MICAL3: variants seen among roughly 807,000 people sequenced by gnomAD.
The protein encoded by MICAL3 is [F-actin]-monooxygenase MICAL3.
MICAL3 carries 62 observed loss-of-function variants against 207.4 expected under a neutral mutation model. The observed-to-expected ratio is 0.30, with a 90% confidence interval of 0.24 to 0.37. MICAL3 has a LOEUF of 0.37. Ranked by LOEUF, MICAL3 falls within the 10% of genes least tolerant of loss-of-function variation. MICAL3 has a pLI of 1.00. For synonymous variants in MICAL3, 1,077 were observed against 1,069.3 expected (o/e 1.01, Z -0.14); for missense variants, 2,368 against 2,635.6 (o/e 0.90, Z 2.22).
intron 23 of MICAL3, 73 bp from the exon 24 acceptor site, chr22:17,822,243 CG>C: frequency 2.0e-6 from 3 of 1,526,070 alleles, no homozygotes; most frequent in Non-Finnish European, 2.6e-6. Flanking sequence ...TGAGAGCAGC[CG>C]CGCCACTTGC....
chr22:17,865,709 G>A (rs957406608), intron 18 of MICAL3, among the ~76,000 whole-genome samples: 1 of 152,234 alleles, frequency 6.6e-6, no homozygotes, highest in African/African-American at 2.4e-5. Flanking sequence ...CGACTCAGGG[G>A]GCAGGTGGAG....
chr22:17,949,580 G>A (rs952957758), intron 1 of MICAL3, among the ~76,000 whole-genome samples: 1 of 152,100 alleles, frequency 6.6e-6, no homozygotes, highest in African/African-American at 2.4e-5. Context: ...CTTGCCCTCT[G>A]TCATAAACTT....
intron 29 of MICAL3, among the ~76,000 whole-genome samples, chr22:17,794,033 C>T (rs1436020748): frequency 6.6e-6 from 1 of 152,130 alleles, no homozygotes; most frequent in African/African-American, 2.4e-5. Flanking sequence ...GTCCTTTTTT[C>T]AGCACGGAAC....
At chr22:17,885,824 C>G (rs1046823502) in intron 16 of MICAL3, 54 bp downstream of exon 16, 3 of 1,561,438 alleles carry the variant, frequency 1.9e-6, no homozygotes, top group East Asian at 2.3e-5. Flanking sequence ...AAAGATCCCC[C>G]CTTCTTGTGT....
At chr22:17,919,092 A>G (rs961469488) in intron 1 of MICAL3, among the ~76,000 whole-genome samples, 3 of 83,750 alleles carry the variant, frequency 3.6e-5, no homozygotes, top group South Asian at 2.9e-4. Context: ...TTTTTTTTTG[A>G]GACAGGCTCA....
chr22:17,848,737 C>T (rs1052377091), intron 19 of MICAL3, among the ~76,000 whole-genome samples: 1 of 152,152 alleles, frequency 6.6e-6, no homozygotes, highest in Admixed American at 6.5e-5. Context: ...GAGAAGTCAC[C>T]CCTGGGTAGG....
chr22:17,967,865 T>C (rs1359653783), intron 1 of MICAL3, among the ~76,000 whole-genome samples: 2 of 20,414 alleles, frequency 9.8e-5, no homozygotes, highest in South Asian at 1.9e-3. Flanking sequence ...ACCAACATGG[T>C]GAAACCCTGT....
intron 1 of MICAL3, among the ~76,000 whole-genome samples, chr22:17,918,138 G>A (rs1304180387): frequency 6.6e-6 from 1 of 152,092 alleles, no homozygotes; most frequent in Non-Finnish European, 1.5e-5. Flanking sequence ...GGCCTACAAG[G>A]CCCTATAAAC....
chr22:17,791,184 CT>C lies in MICAL3; in HGVS notation c.5750+17del. ...GTGACAAGCATAGCGCTGACGCCCC[CT>C]ACCCAAGGCCACTCACAAGATCATC... On this transcript the variant is annotated intron_variant, in intron 30 of 31. Transcript: ENST00000441493. 6.2e-7 allele frequency: 1 copy of C among 1,612,830 alleles called. No individual in the cohort carries two copies. Among genetic ancestry groups the C allele is most frequent in the South Asian group, 1.1e-5 (1 of 90,892 alleles).
At chr22:17,989,730 C>T (rs1009752383) in intron 1 of MICAL3, among the ~76,000 whole-genome samples, 6 of 152,218 alleles carry the variant, frequency 3.9e-5, no homozygotes, top group African/African-American at 1.4e-4. Context: ...TGCCCTTGCA[C>T]AAGATGCTTC....
chr22:17,911,659 C>A (rs1040664258), intron 1 of MICAL3, among the ~76,000 whole-genome samples: 1 of 151,990 alleles, frequency 6.6e-6, no homozygotes, highest in Non-Finnish European at 1.5e-5. Context: ...ACGGTGAGAT[C>A]CTGTCTCTTC....
chr22:17,853,878 G>A (rs78246152), intron 19 of MICAL3, among the ~76,000 whole-genome samples: 6 of 152,284 alleles, frequency 3.9e-5, no homozygotes, highest in African/African-American at 1.4e-4. Flanking sequence ...ATCTGCACCC[G>A]CCCGTCCTAT....
Position 17,808,941 on chromosome 22 carries a change from T to C in MICAL3, c.5557-4A>G, listed in dbSNP as rs1442891831. The C allele has an allele frequency of 7.7e-6, 12 of 1,550,144 alleles. No homozygotes were observed. Among genetic ancestry groups the C allele is most frequent in the Admixed American group, 1.9e-5 (1 of 51,296 alleles). The stretch of plus-strand genomic sequence containing the variant: ...GCTGCAGCTGCCGCTGGATGATCTA[T>C]GACAGACAGCACAGACTGAGCACCC... On this transcript the variant is annotated splice_region_variant and splice_polypyrimidine_tract_variant and intron_variant, in intron 28 of 31. Coordinates refer to ENST00000441493, the MANE Select transcript of MICAL3 (RefSeq NM_015241.3).
chr22:17,835,528 G>C (rs1225910597), intron 20 of MICAL3, among the ~76,000 whole-genome samples: 1 of 152,222 alleles, frequency 6.6e-6, no homozygotes, highest in African/African-American at 2.4e-5. Flanking sequence ...CCCAGCACCT[G>C]CATCTCTGGA....
At position 17,817,725 on chromosome 22, in the gene MICAL3, G is replaced by A. The variant is rs200622544; in HGVS notation, c.4936C>T (p.Arg1646Trp). 722 of 1,590,646 alleles carry A rather than the reference G, an allele frequency of 4.5e-4. No homozygotes were observed. The highest frequency in any genetic ancestry group is 4.0e-3 in the African/African-American group (301 of 74,370). ...GTGGGGCGTGTGGGGGAGTCAGGCC[G>A]GCGCTCCTTGCCCTGGGAGGGTGCT... ...SSAPSQGKER[R>W]PDSPTRPTLR... The change falls in exon 26 of 32, where the codon CGG becomes TGG. Residue 1646 changes from arginine to tryptophan, a missense_variant. Physicochemically the swap from Arg to Trp is moderately radical, Grantham distance 101. This residue lies in a region of MICAL3 where 1,770 missense variants were observed against 1,863.2 expected (regional missense o/e 0.95). Coordinates refer to ENST00000441493, the MANE Select transcript of MICAL3 (RefSeq NM_015241.3).
chr22:17,861,531 G>A, intron 19 of MICAL3: 18 of 985,408 alleles, frequency 1.8e-5, no homozygotes, highest in Non-Finnish European at 2.0e-5. Flanking sequence ...ATAAAAAGAG[G>A]ATTCCTCTGG....
At chr22:17,832,175 G>A (rs907376423) in intron 20 of MICAL3, 68 bp from the exon 21 acceptor site, 2 of 1,520,144 alleles carry the variant, frequency 1.3e-6, no homozygotes, top group Admixed American at 2.0e-5. Context: ...AAGGGGAAGG[G>A]CCACCATCAG....
intron 19 of MICAL3, chr22:17,858,378 CT>C: frequency 1.4e-6 from 1 of 732,942 alleles, no homozygotes; most frequent in Non-Finnish European, 1.7e-6. Context: ...TTGTGAGGCG[CT>C]TGGCTGGGTG....
At chr22:17,978,843 A>T (rs1935773839) in intron 1 of MICAL3, among the ~76,000 whole-genome samples, 2 of 150,780 alleles carry the variant, frequency 1.3e-5, no homozygotes, top group African/African-American at 4.9e-5. Context: ...AAAATGAATG[A>T]ATGGTATGTG....
Sources: allele counts gnomAD v4.1 joint callset (sites outside exome capture counted in the v4.1 genomes callset), GRCh38; gene constraint gnomAD v4.1.1; regional missense constraint gnomAD v4.1.1; transcripts MANE v1.5; gene names NCBI Gene and HGNC (gene_info 2026-07-23, HGNC 2026-07-21).